The following LTBP1 variants were observed in gnomAD, a reference collection of about 807,000 sequenced individuals.
LTBP1 encodes latent transforming growth factor beta binding protein 1, also known as latent-transforming growth factor beta-binding protein 1.
Under a neutral mutation model 207.6 loss-of-function variants are expected in LTBP1, and 129 were observed. That is an observed-to-expected ratio of 0.62 (90% CI 0.54 to 0.72). LTBP1 has a LOEUF of 0.72. Ranked by LOEUF, LTBP1 falls within the 30% of genes least tolerant of loss-of-function variation. LTBP1 has a pLI of 0.00. For missense variants in LTBP1, 2,281 were observed against 2,217.2 expected, an observed-to-expected ratio of 1.03 and a Z score of -0.58; for synonymous variants, 963 against 833.7, an observed-to-expected ratio of 1.16 and a Z score of -2.67.
chr2:33,046,453 G>T (rs1426061357), intron 3 of LTBP1, among the ~76,000 whole-genome samples: 1 of 152,104 alleles, frequency 6.6e-6, no homozygotes, highest in African/African-American at 2.4e-5. Context: ...CTTGCCTCCC[G>T]GGGATGAAGC....
intron 33 of LTBP1, 44 bp downstream of exon 33, chr2:33,397,326 C>T: frequency 2.5e-6 from 4 of 1,602,540 alleles, no homozygotes; most frequent in South Asian, 1.1e-5. Context: ...TTTTTCCTGA[C>T]ACCCCGTATC....
chr2:33,312,437 G>A (rs770502420), intron 23 of LTBP1, among the ~76,000 whole-genome samples: 7 of 152,272 alleles, frequency 4.6e-5, no homozygotes, highest in Middle Eastern at 3.4e-3. Flanking sequence ...CTTTAGAAAT[G>A]TGGCAGGATA....
chr2:33,283,574 C>T (rs1253302606), intron 19 of LTBP1, among the ~76,000 whole-genome samples: 5 of 151,688 alleles, frequency 3.3e-5, no homozygotes, highest in African/African-American at 9.7e-5. Flanking sequence ...GTAACTGGGA[C>T]TACAGGCGCC....
In LTBP1 at chr2:33,187,024, T is replaced by C. The variant is rs763208458; in HGVS notation, c.1370T>C (p.Val457Ala). The C allele has an allele frequency of 1.2e-6, 2 of 1,614,186 alleles. No homozygotes were observed. Among genetic ancestry groups the C allele is most frequent in the Non-Finnish European group, 1.7e-6 (2 of 1,180,024 alleles). ...CCAGGCAAGGCGTTGGGGACGCATG[T>C]CATCCATTCAACACATACCTTGCCT... ...QQPGKALGTH[V>A]IHSTHTLPLT... is the part of the protein sequence containing the mutation. Residue 457 changes from valine (V) to alanine (A), a missense_variant, in exon 6 of 34, where the codon GTC becomes GCC. Physicochemically the swap from Val to Ala is moderately conservative, Grantham distance 64. Coordinates refer to ENST00000404816, the MANE Select transcript of LTBP1 (RefSeq NM_206943.4).
chr2:33,312,003 G>T (rs1558992646), intron 23 of LTBP1, among the ~76,000 whole-genome samples: 1 of 152,176 alleles, frequency 6.6e-6, no homozygotes, highest in African/African-American at 2.4e-5. Context: ...TAGTGTCTGT[G>T]AATCTGTTTT....
At chr2:33,174,715 A>T (rs2085841372) in intron 5 of LTBP1, among the ~76,000 whole-genome samples, 1 of 152,214 alleles carries the variant, frequency 6.6e-6, no homozygotes, top group African/African-American at 2.4e-5. Flanking sequence ...CCTAAGCCAA[A>T]AAAACAAAGC....
chr2:33,184,529 G>A (rs1284615921), intron 5 of LTBP1, among the ~76,000 whole-genome samples: 1 of 152,088 alleles, frequency 6.6e-6, no homozygotes, highest in Non-Finnish European at 1.5e-5. Context: ...TATCCTAAAT[G>A]ATCTCTGCTG....
At chr2:33,187,918 A>G (rs981382873) in intron 6 of LTBP1, among the ~76,000 whole-genome samples, 4 of 152,200 alleles carry the variant, frequency 2.6e-5, no homozygotes, top group African/African-American at 7.2e-5. Context: ...TTCAAAAATA[A>G]TCAAATGCTT....
At chr2:33,017,993 C>A (rs1261214732) in intron 2 of LTBP1, among the ~76,000 whole-genome samples, 1 of 152,128 alleles carries the variant, frequency 6.6e-6, no homozygotes, top group African/African-American at 2.4e-5. Flanking sequence ...GGGCACCTGT[C>A]TGAGTCTAGG....
At chr2:33,033,592 C>A (rs1573209036) in intron 3 of LTBP1, among the ~76,000 whole-genome samples, 2 of 146,078 alleles carry the variant, frequency 1.4e-5, no homozygotes, top group Admixed American at 1.4e-4. Context: ...GTTGAGCTGA[C>A]TATGGTGGGG....
Position 33,110,687 on chromosome 2 carries a change from G to A in LTBP1, c.969G>A (p.Glu323=), listed in dbSNP as rs2080352464. 1 of 1,614,196 alleles carries A rather than the reference G, an allele frequency of 6.2e-7. No homozygotes were observed. Among genetic ancestry groups the A allele is most frequent in the Non-Finnish European group, 8.5e-7 (1 of 1,180,024 alleles). Residue 323 remains glutamate, a synonymous_variant, in exon 4 of 34, where the codon GAG becomes GAA. Coordinates refer to ENST00000404816, the MANE Select transcript of LTBP1 (RefSeq NM_206943.4). ...CAGCCCAGAAGGGGATTTCAGGAGA[G>A]CAGTCCACTGAAGGTTCTTTCCCTT... ...YFPAQKGISG[E]QSTEGSFPLR... is the part of the protein sequence containing the mutation.
intron 9 of LTBP1, among the ~76,000 whole-genome samples, chr2:33,237,207 A>G (rs1478820370): frequency 6.6e-6 from 1 of 152,230 alleles, no homozygotes; most frequent in Non-Finnish European, 1.5e-5. Context: ...AAAGGGTCCC[A>G]CAGCCAAATG....
intron 31 of LTBP1, among the ~76,000 whole-genome samples, chr2:33,383,960 T>C (rs1179338172): frequency 6.6e-6 from 1 of 152,234 alleles, no homozygotes; most frequent in Non-Finnish European, 1.5e-5. Flanking sequence ...AATTGCAACC[T>C]CTCTACCATT....
chr2:33,109,397 G>A (rs1031529439), intron 3 of LTBP1, among the ~76,000 whole-genome samples: 4 of 152,300 alleles, frequency 2.6e-5, no homozygotes, highest in African/African-American at 9.6e-5. Flanking sequence ...TCAGCTTGCT[G>A]CAAAACTGCA....
At chr2:33,365,025 G>A (rs756514770) in intron 30 of LTBP1, among the ~76,000 whole-genome samples, 4 of 152,182 alleles carry the variant, frequency 2.6e-5, no homozygotes, top group Non-Finnish European at 5.9e-5. Flanking sequence ...TGAAGATTAG[G>A]AGAGTGAGAA....
intron 5 of LTBP1, among the ~76,000 whole-genome samples, chr2:33,138,667 A>C (rs1051757888): frequency 6.6e-6 from 1 of 152,160 alleles, no homozygotes; most frequent in Non-Finnish European, 1.5e-5. Context: ...TTCGTGTCAC[A>C]ACTAGAATAT....
Position 32,947,550 on chromosome 2 carries a change from T to TC in LTBP1, c.231dup (p.Gly78ArgfsTer77). On this transcript the variant is annotated frameshift_variant, in exon 1 of 34. Coordinates refer to ENST00000404816, the MANE Select transcript of LTBP1 (RefSeq NM_206943.4). LOFTEE classifies it high-confidence loss of function. The stretch of plus-strand genomic sequence containing the variant: ...GGCTGCCGGCGCCCCCAGCCGTGCC[T>TC]CCCCCGGGGTCCCCTCGGAGAGGAC... 2 of 1,363,492 alleles carry TC rather than the reference T, an allele frequency of 1.5e-6. No individual in the cohort carries two copies. Among genetic ancestry groups the TC allele is most frequent in the Non-Finnish European group, 1.9e-6 (2 of 1,060,704 alleles). The allele number at this position is 1,363,492 out of a possible 1,614,324, so 84.5% of individuals were successfully genotyped here.
At chr2:32,968,973 T>C (rs1406647803) in intron 2 of LTBP1, among the ~76,000 whole-genome samples, 2 of 146,318 alleles carry the variant, frequency 1.4e-5, no homozygotes, top group Non-Finnish European at 3.0e-5. Flanking sequence ...TGGAGTGCAG[T>C]GGGCAATCTC....
intron 1 of LTBP1, among the ~76,000 whole-genome samples, chr2:32,948,205 T>TG (rs1051583264): frequency 1.3e-5 from 2 of 152,176 alleles, no homozygotes; most frequent in Non-Finnish European, 2.9e-5. Flanking sequence ...GTCTAGCTAA[T>TG]GAAAAAAATG....
Sources: gnomAD v4.1 joint callset for allele counts (sites outside exome capture counted in the v4.1 genomes callset) on GRCh38, gnomAD v4.1.1 for gene constraint, MANE v1.5 for transcripts, NCBI Gene and HGNC (gene_info 2026-07-23, HGNC 2026-07-21) for gene names.